MRPS31: variants seen among roughly 807,000 people sequenced by gnomAD.
MRPS31 encodes the protein small ribosomal subunit protein mS31.
A neutral mutation model predicts 43.1 loss-of-function variants in MRPS31; 32 were observed. The ratio of observed to expected loss-of-function variants is 0.74; its 90% CI spans 0.56 to 1.00. The LOEUF (loss-of-function observed/expected upper bound fraction) is 1.00. MRPS31 is among the 50% of genes least tolerant of loss of function. The pLI is 0.00. For missense variants in MRPS31, 437 were observed against 466.7 expected (o/e 0.94, Z 0.59); for synonymous variants, 165 against 161.6 (o/e 1.02, Z -0.16).
At chr13:40,748,358 T>C (rs537427155) in intron 6 of MRPS31, among the ~76,000 whole-genome samples, 4 of 152,350 alleles carry the variant, frequency 2.6e-5, no homozygotes, top group South Asian at 4.1e-4. Flanking sequence ...TGTTTCACCA[T>C]GTTGGTCAGG....
intron 6 of MRPS31, among the ~76,000 whole-genome samples, chr13:40,737,113 A>C (rs1855757436): frequency 1.3e-5 from 2 of 151,406 alleles, no homozygotes. Context: ...GAAAACAAAA[A>C]AAGGCAGGGG....
At chr13:40,762,138 C>G (rs1181065166) in intron 2 of MRPS31, among the ~76,000 whole-genome samples, 1 of 151,532 alleles carries the variant, frequency 6.6e-6, no homozygotes, top group Admixed American at 6.6e-5. Context: ...CCTAGCTACT[C>G]GGGAGGCTGC....
chr13:40,756,441 C>T (rs1880528398), intron 4 of MRPS31, among the ~76,000 whole-genome samples: 1 of 152,120 alleles, frequency 6.6e-6, no homozygotes, highest in Non-Finnish European at 1.5e-5. Flanking sequence ...TCCTTCTTCT[C>T]ATTGATGGTG....
In MRPS31 at chr13:40,756,958, G is replaced by C. The variant is rs757451497; in HGVS notation, c.655C>G (p.Arg219Gly). ...TGAATCCGAAGCTCTGGTCTTGAAC[G>C]AACTCTAGCTGTAGCAGATCTGGCA... ...KVARSATARV[R>G]SRPELRIQFD... is the part of the protein sequence containing the mutation. Residue 219 changes from arginine (R) to glycine (G), a missense_variant, in exon 4 of 7, where the codon CGT (arginine) becomes GGT (glycine). By Grantham distance (125) the Arg-to-Gly change is moderately radical. Transcript: ENST00000323563. 2 of 1,613,284 alleles carry C rather than the reference G, an allele frequency of 1.2e-6. No homozygotes were observed. Among genetic ancestry groups the C allele is most frequent in the South Asian group, 2.2e-5 (2 of 90,980 alleles).
At chr13:40,738,027 T>A (rs1023826973) in intron 6 of MRPS31, among the ~76,000 whole-genome samples, 21 of 151,446 alleles carry the variant, frequency 1.4e-4, no homozygotes, top group African/African-American at 4.9e-4. Flanking sequence ...TCAACAAAAT[T>A]GATAGACCAC....
chr13:40,760,631 CTTTTT>C (rs551721594), intron 2 of MRPS31, among the ~76,000 whole-genome samples: 2 of 133,762 alleles, frequency 1.5e-5, no homozygotes, highest in Non-Finnish European at 3.3e-5. Context: ...ACATTTTTTC[CTTTTT>C]TTTTTTTTTT....
intron 5 of MRPS31, 127 bp downstream of exon 5, chr13:40,753,892 T>C: frequency 1.5e-6 from 1 of 653,882 alleles, no homozygotes; most frequent in Non-Finnish European, 2.6e-6. Flanking sequence ...AACCGCCACA[T>C]TCATAAGCAG....
rs780545918 is a variant in MRPS31 at position 40,729,476 on chromosome 13, G to T, written c.1084C>A (p.Pro362Thr). The change falls in exon 7 of 7, where the codon CCA (proline) becomes ACA (threonine). Residue 362 changes from proline (P) to threonine (T), a missense_variant. Physicochemically the swap from Pro to Thr is conservative, Grantham distance 38 (BLOSUM62 -1). Coordinates refer to ENST00000323563, the MANE Select transcript of MRPS31 (RefSeq NM_005830.4). ...ACCTTCTGTTTAACACTAAGATATGGGTTTTTGGAAAGGCCACAAGTCACC... is the reference window on the plus strand; with the variant it reads ...ACCTTCTGTTTAACACTAAGATATGTGTTTTTGGAAAGGCCACAAGTCACC... ...ELVTCGLSKN[P>T]YLSVKQKVEH... 1 of 1,612,918 alleles carries T rather than the reference G, an allele frequency of 6.2e-7. No individual in the cohort carries two copies. Among genetic ancestry groups the T allele is most frequent in the Admixed American group, 1.7e-5 (1 of 59,974 alleles).
chr13:40,754,754 C>T (rs1475289221), intron 4 of MRPS31, among the ~76,000 whole-genome samples: 1 of 152,160 alleles, frequency 6.6e-6, no homozygotes, highest in Admixed American at 6.5e-5. Flanking sequence ...GCTGGCCAGG[C>T]GAGGTGGCTC....
chr13:40,739,519 C>T (rs1246742775), intron 6 of MRPS31, among the ~76,000 whole-genome samples: 1 of 152,176 alleles, frequency 6.6e-6, no homozygotes, highest in East Asian at 1.9e-4. Context: ...GGAGGCATCA[C>T]ACTACCTGAC....
intron 3 of MRPS31, 107 bp downstream of exon 3, chr13:40,758,841 C>A: frequency 9.4e-7 from 1 of 1,064,122 alleles, no homozygotes; most frequent in Non-Finnish European, 1.2e-6. Context: ...ATTTTATATA[C>A]AAATTCCACT....
intron 5 of MRPS31, among the ~76,000 whole-genome samples, chr13:40,752,075 G>A (rs1880405618): frequency 6.6e-6 from 1 of 151,824 alleles, no homozygotes; most frequent in African/African-American, 2.4e-5. Context: ...TTAGGCTGGA[G>A]TGTAATGGTA....
chr13:40,769,537 G>A (rs776503710), intron 1 of MRPS31, among the ~76,000 whole-genome samples: 2 of 151,288 alleles, frequency 1.3e-5, no homozygotes, highest in African/African-American at 4.9e-5. Context: ...GAAAACGTCA[G>A]AGGCTATCAA....
At chr13:40,758,926 C>A in intron 3 of MRPS31, 22 bp downstream of exon 3, 1 of 1,543,588 alleles carries the variant, frequency 6.5e-7, no homozygotes, top group Admixed American at 1.9e-5. Flanking sequence ...ACATTACTGA[C>A]TTAAGGGTTT....
chr13:40,747,100 G>T (rs1485006766), intron 6 of MRPS31, among the ~76,000 whole-genome samples: 1 of 150,382 alleles, frequency 6.6e-6, no homozygotes, highest in Non-Finnish European at 1.5e-5. Flanking sequence ...TTTTTTTGAG[G>T]CACAGTTTCG....
chr13:40,734,417 T>A (rs527417522), intron 6 of MRPS31, among the ~76,000 whole-genome samples: 2 of 152,076 alleles, frequency 1.3e-5, no homozygotes, highest in African/African-American at 4.8e-5. Context: ...CAGGTACCCA[T>A]GGACAAAAAA....
chr13:40,735,046 C>T (rs1879841339), intron 6 of MRPS31, among the ~76,000 whole-genome samples: 1 of 152,218 alleles, frequency 6.6e-6, no homozygotes, highest in African/African-American at 2.4e-5. Flanking sequence ...TAGGGAGTGC[C>T]AGACAGTGGG....
At position 40,766,889 on chromosome 13, in the gene MRPS31, C is replaced by T. The variant is rs1049099406; in HGVS notation, c.297G>A (p.Leu99=). The part of the protein sequence containing the change: ...DSEKENTKKD[L]LGIIKGMKVE... ...CTTTCATGCCCTTAATAATGCCTAA[C>T]AAGTCTTTTTTCGTATTTTCCTTTT... The change falls in exon 2 of 7, where the codon TTG becomes TTA. Residue 99 remains leucine, a synonymous_variant. Transcript: ENST00000323563. 2 of 1,613,980 alleles carry T rather than the reference C, an allele frequency of 1.2e-6. No individual in the cohort carries two copies. Among genetic ancestry groups the T allele is most frequent in the Non-Finnish European group, 1.7e-6 (2 of 1,180,026 alleles).
chr13:40,765,669 G>A (rs1270119227), intron 2 of MRPS31, among the ~76,000 whole-genome samples: 2 of 152,082 alleles, frequency 1.3e-5, no homozygotes, highest in African/African-American at 2.4e-5. Context: ...TTGATATAAC[G>A]TAGAAACCAA....
Sources: allele counts gnomAD v4.1 joint callset (sites outside exome capture counted in the v4.1 genomes callset), GRCh38; gene constraint gnomAD v4.1.1; transcripts MANE v1.5; gene names NCBI Gene and HGNC (gene_info 2026-07-23, HGNC 2026-07-21).